Variants in MDH1 observed in about 807,000 individuals in gnomAD.
MDH1 encodes the protein malate dehydrogenase, cytoplasmic.
A neutral mutation model predicts 38.7 loss-of-function variants in MDH1; 15 were observed. That is an observed-to-expected ratio of 0.39 (90% confidence interval 0.26 to 0.60). The LOEUF (loss-of-function observed/expected upper bound fraction) is 0.60. Ranked by LOEUF, MDH1 falls within the 20% of genes least tolerant of loss-of-function variation. The pLI is 0.56. For missense variants in MDH1, 368 were observed against 405.2 expected (o/e 0.91, Z 0.79); for synonymous variants, 144 against 143.6 (o/e 1.00, Z -0.02).
In MDH1 at chr2:63,604,851, G is replaced by T; in HGVS notation, c.654G>T (p.Trp218Cys). 2 of 1,614,132 alleles carry T rather than the reference G, an allele frequency of 1.2e-6. 1 individual carries two copies. Among genetic ancestry groups the T allele is most frequent in the Admixed American group, 3.3e-5 (2 of 60,016 alleles). The change falls in exon 6 of 9, where the codon TGG becomes TGT. Residue 218 changes from tryptophan to cysteine, a missense_variant. Coordinates refer to ENST00000233114, the MANE Select transcript of MDH1 (RefSeq NM_005917.4). ...GVYEALKDDS[W>C]LKGEFVTTVQ... ...ATGAAGCTCTGAAAGATGACAGCTGGCTCAAGGGAGAATTTGTCACGGTAA... is the reference window on the plus strand; with the variant it reads ...ATGAAGCTCTGAAAGATGACAGCTGTCTCAAGGGAGAATTTGTCACGGTAA...
chr2:63,605,247 T>TA (rs780223346), intron 6 of MDH1, 33 bp from the exon 7 acceptor site: 2 of 1,412,842 alleles, frequency 1.4e-6, no homozygotes, highest in African/African-American at 2.8e-5. Context: ...CATGACCAAG[T>TA]AATACTGCTG....
rs948132110 is a variant in MDH1 at position 63,597,332 on chromosome 2, A to G, written c.200-67A>G. 2.5e-5 allele frequency: 33 copies of G among 1,309,746 alleles called. No individual in the cohort carries two copies. The African/African-American group carries it at 2.6e-4, about 10-fold the overall frequency. The allele number at this position is 1,309,746 out of a possible 1,614,324, so 81.1% of individuals were successfully genotyped here. On this transcript the variant is annotated intron_variant, in intron 3 of 8. Coordinates refer to ENST00000233114, the MANE Select transcript of MDH1 (RefSeq NM_005917.4). Reference sequence around the variant, plus strand: ...GTGAAAGAATTAATGGGTAGATTCAATATGAAAAAGAAAACTTCAAACTTT... The same window carrying G: ...GTGAAAGAATTAATGGGTAGATTCAGTATGAAAAAGAAAACTTCAAACTTT...
chr2:63,589,409 G>A, intron 1 of MDH1: 1 of 1,546,096 alleles, frequency 6.5e-7, no homozygotes. Context: ...GGAAAGGTTG[G>A]GTCCTAACCC....
chr2:63,606,238 G>A (rs992499926), intron 8 of MDH1, among the ~76,000 whole-genome samples: 19 of 152,106 alleles, frequency 1.2e-4, no homozygotes, highest in Non-Finnish European at 2.1e-4. Context: ...ATAATTAGCC[G>A]GGCATGGTGG....
At chr2:63,594,070 G>A (rs1409858304) in intron 1 of MDH1, among the ~76,000 whole-genome samples, 1 of 152,152 alleles carries the variant, frequency 6.6e-6, no homozygotes, top group African/African-American at 2.4e-5. Context: ...AATGTAAATG[G>A]AAAGTTTTAG....
In MDH1 at chr2:63,606,973, C is replaced by T. The variant is rs369309851; in HGVS notation, c.991C>T (p.Leu331Phe). The T allele has an allele frequency of 2.5e-6, 4 of 1,611,480 alleles. No homozygotes were observed. In the African/African-American group the frequency reaches 4.0e-5, roughly 16 times the overall value. The change falls in exon 9 of 9, where the codon CTT becomes TTT. Residue 331 changes from leucine (L) to phenylalanine (F), a missense_variant. By Grantham distance (22) the Leu-to-Phe change is conservative. Coordinates refer to ENST00000233114, the MANE Select transcript of MDH1 (RefSeq NM_005917.4). ...TEEKESAFEF[L>F]SSA Reference sequence around the variant, plus strand: ...AGAAAAAGAAAGTGCTTTTGAATTTCTTTCCTCTGCCTGACTAGACAATGA... The same window carrying T: ...AGAAAAAGAAAGTGCTTTTGAATTTTTTTCCTCTGCCTGACTAGACAATGA...
intron 5 of MDH1, among the ~76,000 whole-genome samples, chr2:63,603,076 C>T (rs1709458911): frequency 6.6e-6 from 1 of 151,840 alleles, no homozygotes; most frequent in Non-Finnish European, 1.5e-5. Context: ...TCTCCTGCCT[C>T]AGCCTCCTGA....
At position 63,606,836 on chromosome 2, in the gene MDH1, C is replaced by T. The variant is rs1553445302; in HGVS notation, c.880-26C>T. On this transcript the variant is annotated intron_variant, in intron 8 of 8. Transcript: ENST00000233114. ...CTGAAAGATCAGTTCCAGTTTAAAT[C>T]TCTTATTTGCATTATTTTCAAACAG... The T allele has an allele frequency of 2.5e-6, 4 of 1,576,800 alleles. No homozygotes were observed. In the Admixed American group the frequency reaches 7.2e-5, roughly 28 times the overall value.
chr2:63,600,994 C>T (rs1033514230), intron 5 of MDH1, among the ~76,000 whole-genome samples: 1 of 152,168 alleles, frequency 6.6e-6, no homozygotes, highest in Non-Finnish European at 1.5e-5. Context: ...AATTCTGCTT[C>T]CAAAGGTACT....
At chr2:63,606,726 T>C (rs970236166) in intron 8 of MDH1, 136 bp from the exon 9 acceptor site, 3 of 472,026 alleles carry the variant, frequency 6.4e-6, no homozygotes, top group Non-Finnish European at 1.0e-5. Context: ...TATCTATTAA[T>C]TAAAATCTGG....
intron 5 of MDH1, among the ~76,000 whole-genome samples, chr2:63,602,945 T>TTTTG (rs1709454257): frequency 6.3e-4 from 2 of 3,172 alleles, no homozygotes; most frequent in Non-Finnish European, 8.4e-4. Context: ...TTTTTTTTTT[T>TTTTG]TTTTTTTTTT....
Position 63,607,115 on chromosome 2 carries a change from T to C in MDH1, c.*128T>C. ...AAAACAACACATTTTAAAGATTACG[T>C]GCTTCTTGGTACAGGTTTGTGAATG... On this transcript the variant is annotated 3_prime_UTR_variant, in exon 9 of 9. Coordinates refer to ENST00000233114, the MANE Select transcript of MDH1 (RefSeq NM_005917.4). 1.1e-6 allele frequency: 1 copy of C among 887,204 alleles called. No homozygotes were observed. Among genetic ancestry groups the C allele is most frequent in the South Asian group, 2.0e-5 (1 of 50,836 alleles). The allele number at this position is 887,204 out of a possible 1,614,324, so 55.0% of individuals were successfully genotyped here.
Position 63,589,052 on chromosome 2 carries a change from T to C in MDH1, c.3+6T>C. The C allele has an allele frequency of 6.2e-7, 1 of 1,614,048 alleles. No homozygotes were observed. Among genetic ancestry groups the C allele is most frequent in the South Asian group, 1.1e-5 (1 of 91,088 alleles). ...CCCCGCAGTTTTCAATCATGGTGAG[T>C]GTGGGCCCCGGGTTCCTGCCCACCT... On this transcript the variant is annotated splice_donor_region_variant and intron_variant, in intron 1 of 8. Transcript: ENST00000233114.
At chr2:63,590,986 T>C (rs993353915) in intron 1 of MDH1, 5 of 152,198 alleles carry the variant, frequency 3.3e-5, no homozygotes, top group Non-Finnish European at 7.3e-5. Flanking sequence ...TAGTTTTTTG[T>C]GTTATAGAAA....
chr2:63,589,177 C>G (rs1279730056), intron 1 of MDH1, 131 bp downstream of exon 1: 3 of 1,608,580 alleles, frequency 1.9e-6, no homozygotes, highest in Non-Finnish European at 2.5e-6. Flanking sequence ...CAAGCTCGGA[C>G]TCATCTTCTG....
intron 2 of MDH1, 139 bp from the exon 3 acceptor site, chr2:63,595,284 G>A: frequency 1.4e-6 from 1 of 693,614 alleles, no homozygotes; most frequent in Non-Finnish European, 2.7e-6. Flanking sequence ...CTAGATACCT[G>A]ACCTCCTAAA....
chr2:63,592,672 A>G (rs995700431), intron 1 of MDH1, among the ~76,000 whole-genome samples: 1 of 152,240 alleles, frequency 6.6e-6, no homozygotes, highest in African/African-American at 2.4e-5. Context: ...AATAAATAAA[A>G]TATCTTAAAA....
intron 2 of MDH1, 94 bp from the exon 3 acceptor site, chr2:63,595,329 C>A: frequency 1.3e-6 from 1 of 780,742 alleles, no homozygotes; most frequent in Non-Finnish European, 2.3e-6. Flanking sequence ...GAATTACATG[C>A]ATGTACATAC....
At chr2:63,595,817 A>G (rs1709300197) in intron 3 of MDH1, among the ~76,000 whole-genome samples, 1 of 152,048 alleles carries the variant, frequency 6.6e-6, no homozygotes, top group South Asian at 2.1e-4. Flanking sequence ...AATTGTCTAC[A>G]CACACACACA....
Sources: allele counts gnomAD v4.1 joint callset (sites outside exome capture counted in the v4.1 genomes callset), GRCh38; gene constraint gnomAD v4.1.1; transcripts MANE v1.5; gene names NCBI Gene and HGNC (gene_info 2026-07-23, HGNC 2026-07-21).